Variants in PACRG observed in about 807,000 individuals in gnomAD.
The protein encoded by PACRG is parkin coregulated gene protein.
A neutral mutation model predicts 29.7 loss-of-function variants in PACRG; 29 were observed. That is an observed-to-expected ratio of 0.98 (90% CI 0.73 to 1.33). PACRG has a LOEUF of 1.33. Ranked by LOEUF, PACRG falls within the 40% of genes most tolerant of loss-of-function variation. The pLI, the probability that PACRG is intolerant of heterozygous loss-of-function variation, is 0.00. For synonymous variants in PACRG, 116 were observed against 118.7 expected, an observed-to-expected ratio of 0.98 and a Z score of 0.15; for missense variants, 279 against 316.2, an observed-to-expected ratio of 0.88 and a Z score of 0.89.
Position 163,153,327 on chromosome 6 carries a change from G to T in PACRG, c.613+63919G>T, listed in dbSNP as rs1288180203. On this transcript the variant is annotated intron_variant, in intron 4 of 4. Transcript: ENST00000366888. ...TGTGAGGGAAGGGGTGGGCACTCCT[G>T]GATCCCCCTGAGCATTTTCAGTGCT... Among the ~76,000 whole-genome samples, 4 of 152,254 alleles carry T rather than the reference G, an allele frequency of 2.6e-5. No individual in the cohort carries two copies. In the South Asian group the frequency reaches 6.2e-4, roughly 24 times the overall value.
chr6:163,059,221 T>A (rs976045693), intron 2 of PACRG, among the ~76,000 whole-genome samples: 7 of 152,376 alleles, frequency 4.6e-5, no homozygotes, highest in African/African-American at 1.7e-4. Flanking sequence ...TCTCACTCGC[T>A]CAATCTTTCA....
At chr6:163,166,401 C>A (rs1431321307) in intron 4 of PACRG, 1 of 324,010 alleles carries the variant, frequency 3.1e-6, no homozygotes, top group Non-Finnish European at 6.1e-6. Flanking sequence ...AATAAGTAGA[C>A]GAGGGGCAGA....
chr6:163,016,592 A>G (rs765021036), intron 2 of PACRG, among the ~76,000 whole-genome samples: 3 of 152,158 alleles, frequency 2.0e-5, no homozygotes, highest in Admixed American at 6.5e-5. Flanking sequence ...CCATTAATTA[A>G]TGGTTCCAAA....
At chr6:162,964,489 G>T (rs1404213741) in intron 2 of PACRG, among the ~76,000 whole-genome samples, 3 of 152,188 alleles carry the variant, frequency 2.0e-5, no homozygotes, top group African/African-American at 7.2e-5. Flanking sequence ...TCGAAGTCCT[G>T]AGGGGCAGCA....
chr6:162,811,104 A>T (rs1010104757), intron 1 of PACRG, among the ~76,000 whole-genome samples: 22 of 152,218 alleles, frequency 1.4e-4, no homozygotes, highest in African/African-American at 5.3e-4. Context: ...TTTATCATCC[A>T]AAGCCTTGAA....
chr6:163,204,705 T>TA (rs1780834080), intron 4 of PACRG, among the ~76,000 whole-genome samples: 1 of 152,048 alleles, frequency 6.6e-6, no homozygotes, highest in Non-Finnish European at 1.5e-5. Context: ...GGGAGGTGCA[T>TA]AAGAAATGTT....
At chr6:162,743,593 A>T (rs1190435098) in intron 1 of PACRG, among the ~76,000 whole-genome samples, 1 of 152,028 alleles carries the variant, frequency 6.6e-6, no homozygotes, top group Non-Finnish European at 1.5e-5. Context: ...TCCAGTTTTG[A>T]TAATGGATTT....
At chr6:163,036,908 C>G (rs865882014) in intron 2 of PACRG, among the ~76,000 whole-genome samples, 1 of 129,144 alleles carries the variant, frequency 7.7e-6, no homozygotes, top group Admixed American at 8.1e-5. Context: ...ATCCATCCAT[C>G]CATCCATTCA....
At chr6:162,953,342 G>T (rs909694811) in intron 2 of PACRG, among the ~76,000 whole-genome samples, 3 of 152,074 alleles carry the variant, frequency 2.0e-5, no homozygotes, top group African/African-American at 7.2e-5. Context: ...CAATGTTCAA[G>T]CTTATTAATT....
At chr6:163,192,497 C>T (rs1416735947) in intron 4 of PACRG, among the ~76,000 whole-genome samples, 1 of 152,176 alleles carries the variant, frequency 6.6e-6, no homozygotes, top group African/African-American at 2.4e-5. Context: ...CTTATCACAG[C>T]TCTTTTGTCA....
chr6:163,173,534 T>C (rs1554378411), intron 4 of PACRG, among the ~76,000 whole-genome samples: 1 of 152,180 alleles, frequency 6.6e-6, no homozygotes, highest in Non-Finnish European at 1.5e-5. Flanking sequence ...GTTTCTCCTC[T>C]AGACCATGGC....
At chr6:163,089,191 C>T in intron 3 of PACRG, 68 bp from the exon 4 acceptor site, 1 of 1,510,932 alleles carries the variant, frequency 6.6e-7, no homozygotes, top group Non-Finnish European at 9.0e-7. Flanking sequence ...GACAACTTTA[C>T]CTTAACCTTG....
intron 2 of PACRG, among the ~76,000 whole-genome samples, chr6:162,819,242 T>A (rs995501378): frequency 6.6e-6 from 1 of 152,178 alleles, no homozygotes; most frequent in Non-Finnish European, 1.5e-5. Context: ...CACTGCCCTA[T>A]TAGAGAATAT....
At chr6:163,214,918 G>A (rs535892634) in intron 4 of PACRG, among the ~76,000 whole-genome samples, 1 of 152,110 alleles carries the variant, frequency 6.6e-6, no homozygotes, top group Non-Finnish European at 1.5e-5. Flanking sequence ...AAAGAAATCT[G>A]TCAATTCTTG....
At chr6:163,278,222 A>G (rs1326547327) in intron 4 of PACRG, among the ~76,000 whole-genome samples, 1 of 152,098 alleles carries the variant, frequency 6.6e-6, no homozygotes, top group East Asian at 1.9e-4. Flanking sequence ...AGTTCTTTGT[A>G]GATTCTGGAT....
At chr6:163,169,762 A>G (rs1778983609) in intron 4 of PACRG, among the ~76,000 whole-genome samples, 1 of 152,160 alleles carries the variant, frequency 6.6e-6, no homozygotes, top group African/African-American at 2.4e-5. Flanking sequence ...GAGGGGCCAT[A>G]CAGACTTGGG....
intron 2 of PACRG, among the ~76,000 whole-genome samples, chr6:162,855,685 C>T (rs938450460): frequency 3.9e-5 from 6 of 152,158 alleles, no homozygotes; most frequent in South Asian, 2.1e-4. Context: ...GGAATAGATA[C>T]CCCCAATCGT....
At chr6:163,166,020 C>T (rs1266330807) in intron 4 of PACRG, 1 of 442,442 alleles carries the variant, frequency 2.3e-6, no homozygotes, top group Non-Finnish European at 4.6e-6. Flanking sequence ...CTGGTTTGCC[C>T]ACAAGCGCCC....
At chr6:162,912,261 A>G (rs761593941) in intron 2 of PACRG, among the ~76,000 whole-genome samples, 2 of 152,176 alleles carry the variant, frequency 1.3e-5, no homozygotes, top group Non-Finnish European at 2.9e-5. Context: ...GTTGCCTCCA[A>G]TTCCCTTCTG....
Sources: gnomAD v4.1 joint callset for allele counts (sites outside exome capture counted in the v4.1 genomes callset) on GRCh38, gnomAD v4.1.1 for gene constraint, MANE v1.5 for transcripts, NCBI Gene and HGNC (gene_info 2026-07-23, HGNC 2026-07-21) for gene names.